The following ACOT11 variants were observed in gnomAD, a reference collection of about 807,000 sequenced individuals.
ACOT11 encodes the protein acyl-CoA thioesterase 11.
Under a neutral mutation model 77.5 loss-of-function variants are expected in ACOT11, and 69 were observed. That is an observed-to-expected ratio of 0.89 (90% CI 0.73 to 1.09). The LOEUF is 1.09. Among genes scored for constraint, ACOT11 ranks in the 50% least tolerant of loss-of-function variants. The pLI is 0.00. For synonymous variants in ACOT11, 279 were observed against 313.0 expected (o/e 0.89, Z 1.15); for missense variants, 766 against 813.7 (o/e 0.94, Z 0.71).
chr1:54,554,603 C>T (rs1653197356), intron 1 of ACOT11, among the ~76,000 whole-genome samples: 1 of 151,752 alleles, frequency 6.6e-6, no homozygotes, highest in Admixed American at 6.6e-5. Context: ...ACTATCCTCT[C>T]CCCTTGGCTG....
rs1360734146 is a variant in ACOT11 at position 54,607,937 on chromosome 1, C to T, written c.1503-5C>T. On this transcript the variant is annotated splice_polypyrimidine_tract_variant and splice_region_variant and intron_variant, in intron 14 of 15. Coordinates refer to ENST00000343744, the MANE Select transcript of ACOT11 (RefSeq NM_147161.4). The surrounding 1 kb of genome is among the most constrained non-coding windows in gnomAD (Gnocchi z 4.5). ...CTGTCCCCTTGCTACCCTTCCTTCACTCAGGGACCCCTATGTCATCGCGCT... is the reference window on the plus strand; with the variant it reads ...CTGTCCCCTTGCTACCCTTCCTTCATTCAGGGACCCCTATGTCATCGCGCT... 1 of 1,613,914 alleles carries T rather than the reference C, an allele frequency of 6.2e-7. No individual in the cohort carries two copies. Among genetic ancestry groups the T allele is most frequent in the Admixed American group, 1.7e-5 (1 of 59,980 alleles).
chr1:54,575,083 T>A (rs1274201577), intron 1 of ACOT11, among the ~76,000 whole-genome samples: 1 of 151,884 alleles, frequency 6.6e-6, no homozygotes, highest in Non-Finnish European at 1.5e-5. Context: ...CCCCTGGGGC[T>A]CAGTTTCTCC....
intron 1 of ACOT11, chr1:54,582,526 C>T (rs756650809): frequency 2.0e-6 from 2 of 985,220 alleles, no homozygotes; most frequent in African/African-American, 3.5e-5. Context: ...GGCATAGGGT[C>T]CAACAGGAAG....
chr1:54,599,543 G>GCA, intron 8 of ACOT11, 128 bp downstream of exon 8: 1 of 1,084,326 alleles, frequency 9.2e-7, no homozygotes, highest in Non-Finnish European at 1.2e-6. Flanking sequence ...ATCCCTGCCT[G>GCA]GCTGATGGGT....
rs71045196 is a variant in ACOT11, at chr1:54,568,358, CTTTTT to C, written c.34-16278_34-16274del. Among the ~76,000 whole-genome samples, 9 of 80,586 alleles carry C rather than the reference CTTTTT, an allele frequency of 1.1e-4. No homozygotes were observed. In the Admixed American group the frequency reaches 1.3e-3, roughly 11 times the overall value. The allele number at this position is 80,586 out of a possible 152,430, so 52.9% of individuals were successfully genotyped here. On this transcript the variant is annotated intron_variant, in intron 1 of 15. Transcript: ENST00000343744. ...TGTCTGTTTAAGGTTTTCCCAGCACCTTTTTTTTTTTTTTTTTTTTTTTGAGACGG... is the reference window on the plus strand; with the variant it reads ...TGTCTGTTTAAGGTTTTCCCAGCACCTTTTTTTTTTTTTTTTTTGAGACGG...
intron 8 of ACOT11, among the ~76,000 whole-genome samples, chr1:54,600,116 C>T (rs755619979): frequency 2.6e-5 from 4 of 152,142 alleles, no homozygotes; most frequent in African/African-American, 7.2e-5. Context: ...AGAAAATGTC[C>T]GGTAAAGGTC....
At chr1:54,601,192 T>C in intron 8 of ACOT11, 77 bp from the exon 9 acceptor site, 1 of 1,530,872 alleles carries the variant, frequency 6.5e-7, no homozygotes, top group Non-Finnish European at 8.8e-7. Context: ...TGTGTGTGTG[T>C]GAGTGTGTGT....
chr1:54,582,444 C>G (rs1452428423), intron 1 of ACOT11: 4 of 985,346 alleles, frequency 4.1e-6, no homozygotes, highest in Non-Finnish European at 3.6e-6. Flanking sequence ...GGGCCCCGTA[C>G]AGAGGAAGTG....
downstream of ACOT11, among the ~76,000 whole-genome samples, chr1:54,612,993 C>CAT (rs1414103120): frequency 8.2e-6 from 1 of 122,108 alleles, no homozygotes; most frequent in Non-Finnish European, 1.7e-5. Flanking sequence ...TAAACATCCT[C>CAT]ATATAGACAG....
At chr1:54,625,099 C>T (rs554823200) in intron 15 of ACOT11, among the ~76,000 whole-genome samples, 4 of 96,726 alleles carry the variant, frequency 4.1e-5, no homozygotes, top group African/African-American at 1.2e-4. Flanking sequence ...TCAACACCCC[C>T]TCCCCACCAC....
At chr1:54,612,731 T>A, downstream of ACOT11, 1 of 1,599,908 alleles carries the variant, frequency 6.3e-7, no homozygotes, top group Non-Finnish European at 8.6e-7. Context: ...ATCAGAGATG[T>A]TGGTCTCACG....
chr1:54,550,576 G>A (rs559660550), intron 1 of ACOT11, among the ~76,000 whole-genome samples: 1 of 152,296 alleles, frequency 6.6e-6, no homozygotes, highest in East Asian at 1.9e-4. Context: ...CACTTTGGGA[G>A]GCTGAGGCAG....
intron 3 of ACOT11, among the ~76,000 whole-genome samples, chr1:54,590,599 G>T (rs1003039365): frequency 1.3e-5 from 2 of 151,992 alleles, no homozygotes; most frequent in African/African-American, 2.4e-5. Context: ...TTTTATCTGG[G>T]GGACCACAGA....
intron 3 of ACOT11, among the ~76,000 whole-genome samples, chr1:54,591,686 G>T (rs1654719478): frequency 6.6e-6 from 1 of 152,208 alleles, no homozygotes; most frequent in South Asian, 2.1e-4. Context: ...CACAGCCCAG[G>T]CTAGGTGGCT....
At chr1:54,619,922 C>T (rs1161184922) in intron 15 of ACOT11, 1 of 1,614,170 alleles carries the variant, frequency 6.2e-7, no homozygotes, top group East Asian at 2.2e-5. Flanking sequence ...AGGTGACCTC[C>T]AAGGCATCTC....
intron 15 of ACOT11, among the ~76,000 whole-genome samples, chr1:54,629,412 G>A (rs1221802166): frequency 7.7e-6 from 1 of 129,960 alleles, no homozygotes; most frequent in Non-Finnish European, 1.7e-5. Flanking sequence ...TCGGCCTCCT[G>A]AGTAGCTGGG....
At chr1:54,576,175 G>A (rs996434139) in intron 1 of ACOT11, among the ~76,000 whole-genome samples, 3 of 152,206 alleles carry the variant, frequency 2.0e-5, no homozygotes, top group African/African-American at 7.2e-5. Flanking sequence ...CTACATTCTT[G>A]TGTTGAGTTG....
In ACOT11 at chr1:54,607,233, C is replaced by G. The variant is rs761793159; in HGVS notation, c.1470C>G (p.Ile490Met). ...ACACAAAGCCCCAGGACTTCGTGAT[C>G]CTGGCCTCGAGGCGGAAGCCTTGTG... ...GGHTKPQDFV[I>M]LASRRKPCDN... The change falls in exon 14 of 16, where the codon ATC becomes ATG. Residue 490 changes from isoleucine to methionine, a missense_variant. By Grantham distance (10) the Ile-to-Met change is conservative. Transcript: ENST00000343744. This position sits in a 1 kb window ranked among gnomAD's most constrained non-coding sequence, Gnocchi z 4.5. The G allele has an allele frequency of 1.2e-6, 2 of 1,614,190 alleles. No individual in the cohort carries two copies. The highest frequency in any genetic ancestry group is 4.5e-5 in the East Asian group (2 of 44,874).
intron 15 of ACOT11, chr1:54,619,785 G>C: frequency 6.9e-7 from 1 of 1,456,038 alleles, no homozygotes; most frequent in Non-Finnish European, 9.5e-7. Flanking sequence ...ACAGTGACCA[G>C]TGTCTGATCC....
Sources: gnomAD v4.1 joint callset for allele counts (sites outside exome capture counted in the v4.1 genomes callset) on GRCh38, gnomAD v4.1.1 for gene constraint, Gnocchi (gnomAD v3.1) non-coding constraint, MANE v1.5 for transcripts, NCBI Gene and HGNC (gene_info 2026-07-23, HGNC 2026-07-21) for gene names.